PDCD10: variants seen among roughly 807,000 people sequenced by gnomAD.
PDCD10 encodes programmed cell death protein 10.
PDCD10 carries 4 observed loss-of-function variants against 29.2 expected under a neutral mutation model. The ratio of observed to expected loss-of-function variants is 0.14; its 90% confidence interval spans 0.07 to 0.31. The LOEUF (loss-of-function observed/expected upper bound fraction) is 0.31. Among genes scored for constraint, PDCD10 ranks in the 10% least tolerant of loss-of-function variants. The probability of loss-of-function intolerance (pLI) is 1.00; values close to 1 mark genes in which losing one functional copy is unlikely to be tolerated. For missense variants in PDCD10, 183 were observed against 257.9 expected (o/e 0.71, Z 1.99); for synonymous variants, 70 against 82.2 (o/e 0.85, Z 0.80).
In PDCD10 at chr3:167,684,897, T is replaced by C. The variant is rs545694395; in HGVS notation, c.558-508A>G. ...CTACAAACTACTTTTACTATAAACA[T>C]ACTTTTAAAACAAAATAATCATGCA... On this transcript the variant is annotated intron_variant, in intron 8 of 8. Transcript: ENST00000392750. Among the ~76,000 whole-genome samples the C allele has an allele frequency of 2.6e-5, 4 of 152,156 alleles. No individual in the cohort carries two copies. In the South Asian group the frequency reaches 8.3e-4, roughly 32 times the overall value.
intron 6 of PDCD10, among the ~76,000 whole-genome samples, chr3:167,691,486 C>T (rs1331715074): frequency 6.6e-6 from 1 of 152,172 alleles, no homozygotes; most frequent in Non-Finnish European, 1.5e-5. Flanking sequence ...GACTCTTAAG[C>T]TCAATTTCCT....
intron 2 of PDCD10, among the ~76,000 whole-genome samples, chr3:167,723,008 C>T (rs1723745331): frequency 6.6e-6 from 1 of 152,238 alleles, no homozygotes; most frequent in African/African-American, 2.4e-5. Context: ...CTATGGCATA[C>T]ATGCCATCTT....
chr3:167,729,286 C>T lies in PDCD10; in HGVS notation c.-117+4928G>A, dbSNP rs1181084328. ...CTGTGTTGAAGTTGTTAGTCTACAA[C>T]GTGTATTTCCTAATAGGTTTTTTAA... On this transcript the variant is annotated intron_variant, in intron 2 of 8. Transcript: ENST00000392750. Among the ~76,000 whole-genome samples the T allele has an allele frequency of 3.9e-5, 6 of 152,118 alleles. No homozygotes were observed. The East Asian group carries it at 5.8e-4, about 15-fold the overall frequency.
chr3:167,688,883 G>A (rs1719931679), intron 6 of PDCD10, among the ~76,000 whole-genome samples: 1 of 152,152 alleles, frequency 6.6e-6, no homozygotes, highest in African/African-American at 2.4e-5. Context: ...GTTTCTGTGT[G>A]CATGTGGGTG....
At chr3:167,709,187 G>A (rs555695615) in intron 3 of PDCD10, among the ~76,000 whole-genome samples, 10 of 151,574 alleles carry the variant, frequency 6.6e-5, no homozygotes, top group African/African-American at 1.9e-4. Context: ...CAAGATGGCC[G>A]AATCAAAGCC....
intron 5 of PDCD10, among the ~76,000 whole-genome samples, chr3:167,696,747 G>T (rs1577331438): frequency 6.6e-6 from 1 of 151,928 alleles, no homozygotes; most frequent in Non-Finnish European, 1.5e-5. Flanking sequence ...CAAACATAAA[G>T]GGGGGAAAAA....
At chr3:167,700,065 T>G (rs1721227660) in intron 4 of PDCD10, among the ~76,000 whole-genome samples, 3 of 152,200 alleles carry the variant, frequency 2.0e-5, no homozygotes. Context: ...TGGTGTTATT[T>G]GCAGTTAAAA....
intron 5 of PDCD10, among the ~76,000 whole-genome samples, chr3:167,695,998 C>A (rs201669563): frequency 3.7e-4 from 53 of 142,038 alleles, no homozygotes; most frequent in Admixed American, 9.2e-4. Flanking sequence ...AAAAAACACA[C>A]AAAAAAAAAA....
intron 2 of PDCD10, among the ~76,000 whole-genome samples, chr3:167,724,709 T>G (rs993430372): frequency 6.6e-6 from 1 of 152,204 alleles, no homozygotes; most frequent in African/African-American, 2.4e-5. Context: ...TTAATTCTAT[T>G]AACAAAGCCT....
intron 6 of PDCD10, among the ~76,000 whole-genome samples, chr3:167,691,478 CTCTTAAGCTCAATT>C (rs1720223826): frequency 6.6e-6 from 1 of 152,196 alleles, no homozygotes; most frequent in Non-Finnish European, 1.5e-5. Context: ...ATAGACAAGA[CTCTTAAGCTCAATT>C]TCCTTATGAC....
intron 4 of PDCD10, 113 bp downstream of exon 4, chr3:167,704,729 A>C: frequency 1.3e-6 from 1 of 746,616 alleles, no homozygotes; most frequent in Non-Finnish European, 2.4e-6. Context: ...AAACAGGCAT[A>C]AGATGGCTAA....
At position 167,720,213 on chromosome 3, in the gene PDCD10, C is replaced by A; in HGVS notation, c.-56G>T. On this transcript the variant is annotated 5_prime_UTR_variant, in exon 3 of 9. Coordinates refer to ENST00000392750, the MANE Select transcript of PDCD10 (RefSeq NM_007217.4). ...GCTAAAATGCAGAGGAATCTTCATTCACTGCAATATTTCTTCTCTTTTTTG... is the reference window on the plus strand; with the variant it reads ...GCTAAAATGCAGAGGAATCTTCATTAACTGCAATATTTCTTCTCTTTTTTG... 2.8e-6 allele frequency: 3 copies of A among 1,078,010 alleles called. No individual in the cohort carries two copies. In the South Asian group the frequency reaches 3.8e-5, roughly 13 times the overall value. 66.8% of individuals were successfully genotyped at this position (1,078,010 alleles called of 1,614,324 possible).
intron 2 of PDCD10, among the ~76,000 whole-genome samples, chr3:167,721,643 C>T (rs1017440522): frequency 6.6e-6 from 1 of 152,188 alleles, no homozygotes; most frequent in African/African-American, 2.4e-5. Flanking sequence ...CATATCGCTA[C>T]CAGTGAAAGG....
chr3:167,707,872 C>T (rs147957673), intron 3 of PDCD10, among the ~76,000 whole-genome samples: 2 of 151,856 alleles, frequency 1.3e-5, no homozygotes, highest in Non-Finnish European at 2.9e-5. Flanking sequence ...GTCCATGTAA[C>T]CAGTAAAAGA....
At chr3:167,687,391 A>G in intron 7 of PDCD10, 75 bp from the exon 8 acceptor site, 1 of 909,562 alleles carries the variant, frequency 1.1e-6, no homozygotes, top group Non-Finnish European at 1.8e-6. Flanking sequence ...GGCAAGGACA[A>G]GAGATTACAC....
At chr3:167,708,706 C>T (rs985482164) in intron 3 of PDCD10, among the ~76,000 whole-genome samples, 3 of 152,158 alleles carry the variant, frequency 2.0e-5, no homozygotes, top group African/African-American at 7.2e-5. Context: ...TGAAGTTCAA[C>T]GCATGCTTCT....
chr3:167,709,830 G>A (rs1231296622), intron 3 of PDCD10, among the ~76,000 whole-genome samples: 1 of 152,072 alleles, frequency 6.6e-6, no homozygotes. Flanking sequence ...CCTTCCTTCT[G>A]CTTCAGGATA....
intron 2 of PDCD10, among the ~76,000 whole-genome samples, chr3:167,732,310 ACCTTACAT>A (rs1271489039): frequency 1.3e-5 from 2 of 152,194 alleles, no homozygotes; most frequent in Non-Finnish European, 2.9e-5. Context: ...ATTCTTACAG[ACCTTACAT>A]CCTTAAGAGA....
At chr3:167,692,759 A>G (rs1327960475) in intron 6 of PDCD10, among the ~76,000 whole-genome samples, 4 of 152,218 alleles carry the variant, frequency 2.6e-5, no homozygotes, top group Non-Finnish European at 5.9e-5. Flanking sequence ...TCTACTAAAA[A>G]TACAAAAAAT....
Sources: gnomAD v4.1 joint callset for allele counts (sites outside exome capture counted in the v4.1 genomes callset) on GRCh38, gnomAD v4.1.1 for gene constraint, MANE v1.5 for transcripts, NCBI Gene and HGNC (gene_info 2026-07-23, HGNC 2026-07-21) for gene names.